Variants in SAMTOR observed in about 807,000 individuals in gnomAD.
SAMTOR encodes S-adenosylmethionine sensor upstream of mTORC1.
chr7:112,868,335 C>T, the SAMTOR span, among the ~76,000 whole-genome samples: 1 of 152,140 alleles, frequency 6.6e-6, no homozygotes, highest in Non-Finnish European at 1.5e-5. Context: ...GGGAATTCAC[C>T]AGACTAGTAA....
the SAMTOR span, among the ~76,000 whole-genome samples, chr7:112,913,884 A>G: frequency 6.6e-6 from 1 of 151,972 alleles, no homozygotes; most frequent in Non-Finnish European, 1.5e-5. Context: ...TCCTTGCTTT[A>G]TTTTTCTCAT....
the SAMTOR span, among the ~76,000 whole-genome samples, chr7:112,858,064 C>T: frequency 6.6e-6 from 1 of 152,198 alleles, no homozygotes; most frequent in African/African-American, 2.4e-5. Context: ...GGTTAGGAGG[C>T]AGGACCACCA....
chr7:112,873,118 T>C, the SAMTOR span, among the ~76,000 whole-genome samples: 1 of 152,142 alleles, frequency 6.6e-6, no homozygotes, highest in South Asian at 2.1e-4. Flanking sequence ...GATGAATCAG[T>C]ATTGTTAAAA....
the SAMTOR span, among the ~76,000 whole-genome samples, chr7:112,853,194 T>C: frequency 1.2e-3 from 175 of 152,110 alleles, 1 homozygote; most frequent in African/African-American, 4.1e-3. Context: ...ATCTTAAAAC[T>C]GCATTATTTA....
the SAMTOR span, among the ~76,000 whole-genome samples, chr7:112,862,777 A>G: frequency 6.6e-6 from 1 of 152,234 alleles, no homozygotes; most frequent in African/African-American, 2.4e-5. Flanking sequence ...AAAGATACAA[A>G]AATTAGCAGG....
At chr7:112,876,040 A>G in the SAMTOR span, among the ~76,000 whole-genome samples, 4 of 152,284 alleles carry the variant, frequency 2.6e-5, no homozygotes, top group East Asian at 5.8e-4. Flanking sequence ...AGCTCACCAC[A>G]GCCTCCGCCT....
the SAMTOR span, among the ~76,000 whole-genome samples, chr7:112,919,027 T>C: frequency 1.3e-5 from 2 of 152,086 alleles, no homozygotes; most frequent in African/African-American, 4.8e-5. Context: ...CTGTCAACAT[T>C]AAACAGATCA....
chr7:112,831,751 T>C, the SAMTOR span, among the ~76,000 whole-genome samples: 1 of 152,198 alleles, frequency 6.6e-6, no homozygotes, highest in Non-Finnish European at 1.5e-5. Context: ...AAAGAAAGGA[T>C]AGTATCTATC....
the SAMTOR span, among the ~76,000 whole-genome samples, chr7:112,929,190 G>T: frequency 1.3e-5 from 2 of 151,608 alleles, no homozygotes; most frequent in Non-Finnish European, 2.9e-5. Context: ...CCATATACCT[G>T]ATAAGGGGTT....
the SAMTOR span, among the ~76,000 whole-genome samples, chr7:112,895,132 A>G: frequency 3.5e-4 from 53 of 151,828 alleles, no homozygotes; most frequent in African/African-American, 1.2e-3. Context: ...CTTTAATTGT[A>G]TTTTGCTGTT....
the SAMTOR span, among the ~76,000 whole-genome samples, chr7:112,870,144 G>C: frequency 6.6e-6 from 1 of 152,138 alleles, no homozygotes; most frequent in Non-Finnish European, 1.5e-5. Flanking sequence ...CATAATTCAT[G>C]AAAATTTCCC....
chr7:112,912,040 T>C, the SAMTOR span, among the ~76,000 whole-genome samples: 1 of 150,362 alleles, frequency 6.7e-6, no homozygotes, highest in African/African-American at 2.5e-5. Context: ...AAAATACATA[T>C]ATATATAAAT....
the SAMTOR span, among the ~76,000 whole-genome samples, chr7:112,875,012 T>G: frequency 6.6e-6 from 1 of 152,150 alleles, no homozygotes; most frequent in South Asian, 2.1e-4. Context: ...AGGAAAGAAG[T>G]GGATGCTGCA....
At chr7:112,852,096 C>G in the SAMTOR span, among the ~76,000 whole-genome samples, 2 of 152,120 alleles carry the variant, frequency 1.3e-5, no homozygotes, top group Admixed American at 1.3e-4. Context: ...ATCTAGCAAT[C>G]CCACTACTAG....
At chr7:112,880,642 A>T in the SAMTOR span, among the ~76,000 whole-genome samples, 1 of 152,060 alleles carries the variant, frequency 6.6e-6, no homozygotes, top group East Asian at 2.0e-4. Flanking sequence ...TTAAATACTA[A>T]GCCTCCAGAG....
chr7:112,929,485 T>C, the SAMTOR span, among the ~76,000 whole-genome samples: 1 of 152,036 alleles, frequency 6.6e-6, no homozygotes, highest in Non-Finnish European at 1.5e-5. Flanking sequence ...TGTATACTTA[T>C]GTTGGGTATG....
chr7:112,920,380 C>T, the SAMTOR span, among the ~76,000 whole-genome samples: 16 of 144,266 alleles, frequency 1.1e-4, no homozygotes, highest in East Asian at 2.1e-4. Flanking sequence ...GCAGAAAAGG[C>T]CTTTGACAAA....
At chr7:112,861,769 T>C in the SAMTOR span, among the ~76,000 whole-genome samples, 4 of 152,186 alleles carry the variant, frequency 2.6e-5, no homozygotes, top group Non-Finnish European at 4.4e-5. Flanking sequence ...AGTACAGCCA[T>C]TAGATTACGA....
the SAMTOR span, among the ~76,000 whole-genome samples, chr7:112,884,983 C>G: frequency 6.6e-6 from 1 of 152,338 alleles, no homozygotes; most frequent in East Asian, 1.9e-4. Context: ...GGTTCCCAAA[C>G]CTCAATTCTT....
Sources: gnomAD v4.1 joint callset for allele counts (sites outside exome capture counted in the v4.1 genomes callset) on GRCh38, gnomAD v4.1.1 for gene constraint, MANE v1.5 for transcripts, NCBI Gene and HGNC (gene_info 2026-07-23, HGNC 2026-07-21) for gene names.